Variants in SAMD12 observed in about 807,000 individuals in gnomAD.
SAMD12 encodes the protein sterile alpha motif domain containing 12.
SAMD12 carries 9 observed loss-of-function variants against 15.0 expected under a neutral mutation model. That is an observed-to-expected ratio of 0.60 (90% CI 0.36 to 1.05). SAMD12 has a LOEUF of 1.05. SAMD12 is among the 50% of genes least tolerant of loss of function. The pLI, the probability that SAMD12 is intolerant of heterozygous loss-of-function variation, is 0.01. For synonymous variants in SAMD12, 86 were observed against 90.1 expected, an observed-to-expected ratio of 0.96 and a Z score of 0.25; for missense variants, 230 against 234.2, an observed-to-expected ratio of 0.98 and a Z score of 0.12.
rs150564658 is a variant in SAMD12 at position 118,362,890 on chromosome 8, C to G, written c.433+16670G>C. Among the ~76,000 whole-genome samples the G allele has an allele frequency of 1.1e-4, 17 of 152,192 alleles. No individual in the cohort carries two copies. In the East Asian group the frequency reaches 2.9e-3, roughly 26 times the overall value. On this transcript the variant is annotated intron_variant, in intron 4 of 4. Transcript: ENST00000409003. Reference sequence around the variant, plus strand: ...CTGACATCTCTGCTTCATTATGATGCCAAGTTGAAAAACAAACAAATTTGA... The same window carrying G: ...CTGACATCTCTGCTTCATTATGATGGCAAGTTGAAAAACAAACAAATTTGA...
At chr8:118,603,236 T>A (rs1827901858) in intron 1 of SAMD12, among the ~76,000 whole-genome samples, 1 of 151,788 alleles carries the variant, frequency 6.6e-6, no homozygotes, top group African/African-American at 2.4e-5. Context: ...CAAAAAACAA[T>A]CCCAGAAATG....
At chr8:118,169,581 C>G in the SAMD12 span, among the ~76,000 whole-genome samples, 1 of 152,134 alleles carries the variant, frequency 6.6e-6, no homozygotes, top group Non-Finnish European at 1.5e-5. Flanking sequence ...AGCCATGGTT[C>G]AGGACCACTT....
At chr8:118,549,285 A>T (rs1191883990) in intron 2 of SAMD12, among the ~76,000 whole-genome samples, 1 of 152,236 alleles carries the variant, frequency 6.6e-6, no homozygotes, top group Admixed American at 6.5e-5. Flanking sequence ...CCCCCCAAGT[A>T]GGGGCAAACT....
At position 118,458,777 on chromosome 8, in the gene SAMD12, AT is replaced by A. The variant is rs1385840077; in HGVS notation, c.193-18817del. Reference sequence around the variant, plus strand: ...CAATCATATTATTTCTACTTATCAAATGTATTTTAGGCCATAATTTGTTTTA... The same window carrying A: ...CAATCATATTATTTCTACTTATCAAAGTATTTTAGGCCATAATTTGTTTTA... On this transcript the variant is annotated intron_variant, in intron 2 of 3. Coordinates refer to ENST00000314727, the MANE Select transcript of SAMD12 (RefSeq NM_207506.3). Among the ~76,000 whole-genome samples, 6 of 152,152 alleles carry A rather than the reference AT, an allele frequency of 3.9e-5. No individual in the cohort carries two copies. In the East Asian group the frequency reaches 1.2e-3, roughly 29 times the overall value.
At chr8:118,549,973 A>C (rs1826271515) in intron 2 of SAMD12, among the ~76,000 whole-genome samples, 1 of 152,204 alleles carries the variant, frequency 6.6e-6, no homozygotes, top group Non-Finnish European at 1.5e-5. Context: ...AGGGAAGTTT[A>C]GGGAAAAAAG....
the SAMD12 span, among the ~76,000 whole-genome samples, chr8:118,183,963 T>C: frequency 6.6e-6 from 1 of 152,202 alleles, no homozygotes; most frequent in Non-Finnish European, 1.5e-5. Context: ...CTTAGAATAA[T>C]GGCCTCCAGG....
chr8:118,449,812 AAAAAAC>A (rs869200564), intron 2 of SAMD12, among the ~76,000 whole-genome samples: 3,412 of 150,536 alleles, frequency 0.023, 120 homozygotes, highest in African/African-American at 0.079. Flanking sequence ...AAAAAAAAAA[AAAAAAC>A]AACAAAAAAA....
chr8:118,389,720 A>G (rs542423150), intron 3 of SAMD12, among the ~76,000 whole-genome samples: 2 of 151,372 alleles, frequency 1.3e-5, no homozygotes, highest in Admixed American at 6.6e-5. Context: ...ATTTCAAAAA[A>G]GAAAAAAAAA....
intron 2 of SAMD12, among the ~76,000 whole-genome samples, chr8:118,480,602 T>G (rs1824098639): frequency 6.6e-6 from 1 of 152,092 alleles, no homozygotes; most frequent in Non-Finnish European, 1.5e-5. Flanking sequence ...GTTGCAATAG[T>G]CTCCTAACTG....
At chr8:118,545,516 C>T (rs576090269) in intron 2 of SAMD12, among the ~76,000 whole-genome samples, 1 of 152,180 alleles carries the variant, frequency 6.6e-6, no homozygotes, top group African/African-American at 2.4e-5. Context: ...TTCTAAACAC[C>T]ACACAGGTAT....
chr8:118,198,266 A>T (rs1309137055), intron 4 of SAMD12, among the ~76,000 whole-genome samples: 2 of 152,186 alleles, frequency 1.3e-5, no homozygotes, highest in East Asian at 3.8e-4. Flanking sequence ...TAGAGACTAG[A>T]TAGAGAAAGT....
At chr8:118,598,692 C>T (rs1827783690) in intron 1 of SAMD12, among the ~76,000 whole-genome samples, 1 of 152,186 alleles carries the variant, frequency 6.6e-6, no homozygotes, top group African/African-American at 2.4e-5. Flanking sequence ...TAGGATTGTT[C>T]CCATTTCACA....
At chr8:118,517,156 G>T (rs573360516) in intron 2 of SAMD12, among the ~76,000 whole-genome samples, 1 of 152,178 alleles carries the variant, frequency 6.6e-6, no homozygotes, top group East Asian at 1.9e-4. Context: ...GCTCAAAGGG[G>T]GTATAAGATA....
chr8:118,186,521 C>T (rs1819245410), downstream of SAMD12, among the ~76,000 whole-genome samples: 1 of 149,500 alleles, frequency 6.7e-6, no homozygotes, highest in South Asian at 2.1e-4. Flanking sequence ...TTTAAACCAT[C>T]AATGGCAATC....
At chr8:118,348,652 G>A (rs1419512295) in intron 4 of SAMD12, among the ~76,000 whole-genome samples, 1 of 152,202 alleles carries the variant, frequency 6.6e-6, no homozygotes, top group South Asian at 2.1e-4. Flanking sequence ...GATTACAGGC[G>A]TGAGCCACCG....
intron 3 of SAMD12, 128 bp from the exon 4 acceptor site, chr8:118,379,828 GGTCT>G: frequency 1.7e-6 from 2 of 1,171,330 alleles, no homozygotes; most frequent in Non-Finnish European, 2.3e-6. Context: ...TTAGAATAAA[GGTCT>G]TCCATTATTA....
intron 4 of SAMD12, among the ~76,000 whole-genome samples, chr8:118,221,986 TA>T: frequency 6.6e-6 from 1 of 152,324 alleles, no homozygotes; most frequent in Non-Finnish European, 1.5e-5. Flanking sequence ...TGAGTTAAAC[TA>T]CTGAATATTC....
At chr8:118,596,117 G>T (rs1364536297) in intron 1 of SAMD12, among the ~76,000 whole-genome samples, 3 of 152,174 alleles carry the variant, frequency 2.0e-5, no homozygotes, top group African/African-American at 7.2e-5. Context: ...TGTAAACCTG[G>T]ATCCCAGAAT....
At chr8:118,286,024 G>A (rs931335892) in intron 4 of SAMD12, among the ~76,000 whole-genome samples, 89 of 152,096 alleles carry the variant, frequency 5.9e-4, no homozygotes, top group African/African-American at 2.1e-3. Context: ...GTAGGGACAT[G>A]GATGAAGCTG....
Sources: allele counts gnomAD v4.1 joint callset (sites outside exome capture counted in the v4.1 genomes callset), GRCh38; gene constraint gnomAD v4.1.1; transcripts MANE v1.5; gene names NCBI Gene and HGNC (gene_info 2026-07-23, HGNC 2026-07-21).